Variants in PLA2R1 observed in about 807,000 individuals in gnomAD.
The protein encoded by PLA2R1 is phospholipase A2 receptor 1.
PLA2R1 carries 158 observed loss-of-function variants against 195.9 expected under a neutral mutation model. That is an observed-to-expected ratio of 0.81 (90% CI 0.71 to 0.92). PLA2R1 has a LOEUF of 0.92. Ranked by LOEUF, PLA2R1 falls within the 40% of genes least tolerant of loss-of-function variation. PLA2R1 has a pLI of 0.00. For synonymous variants in PLA2R1, 586 were observed against 598.2 expected (o/e 0.98, Z 0.30); for missense variants, 1,626 against 1,764.6 (o/e 0.92, Z 1.41).
Position 160,038,572 on chromosome 2 carries a change from A to C in PLA2R1, c.667+3453T>G, listed in dbSNP as rs1198473644. On this transcript the variant is annotated intron_variant, in intron 3 of 29. Coordinates refer to ENST00000283243, the MANE Select transcript of PLA2R1 (RefSeq NM_007366.5). Reference sequence around the variant, plus strand: ...TAGAAGGGAGGAAATAAAGATGGGCACAGATGCAGGTAGGCTTAAAGGTGA... The same window carrying C: ...TAGAAGGGAGGAAATAAAGATGGGCCCAGATGCAGGTAGGCTTAAAGGTGA... Among the ~76,000 whole-genome samples the C allele has an allele frequency of 2.6e-5, 4 of 152,260 alleles. No individual in the cohort carries two copies. The East Asian group carries it at 7.7e-4, about 29-fold the overall frequency.
rs1309815654 is a variant in PLA2R1, at chr2:159,934,935, T to C, written c.*6843A>G. On this transcript the variant is annotated 3_prime_UTR_variant, in exon 30 of 30. Transcript: ENST00000283243. ...TTGAGGATTTCAACTTGCACGTAGT[T>C]GTCATGTCTCTTTAGTGTCCTCCAA... 1 of 152,246 alleles carries C rather than the reference T, an allele frequency of 6.6e-6. No individual in the cohort carries two copies. The highest frequency in any genetic ancestry group is 2.4e-5 in the African/African-American group (1 of 41,464). The allele number at this position is 152,246 out of a possible 1,614,324, so 9.4% of individuals were successfully genotyped here.
chr2:159,945,843 T>C, intron 27 of PLA2R1: 2 of 947,708 alleles, frequency 2.1e-6, no homozygotes, highest in Non-Finnish European at 1.3e-6. Context: ...TTAGGTACAG[T>C]GTTCTTATTT....
chr2:159,969,782 A>T (rs988689032), intron 18 of PLA2R1, among the ~76,000 whole-genome samples: 14 of 152,138 alleles, frequency 9.2e-5, no homozygotes, highest in Admixed American at 4.6e-4. Flanking sequence ...ACCTCAGGCG[A>T]TCCGCCCTCC....
At chr2:159,969,954 T>C (rs1689044236) in intron 18 of PLA2R1, among the ~76,000 whole-genome samples, 194 bp downstream of exon 18, 1 of 152,214 alleles carries the variant, frequency 6.6e-6, no homozygotes, top group Admixed American at 6.5e-5. Flanking sequence ...ATGGATATGT[T>C]TATGGCTAGA....
chr2:159,964,701 C>CT (rs113758376), intron 20 of PLA2R1, among the ~76,000 whole-genome samples: 7,854 of 151,682 alleles, frequency 0.052, 544 homozygotes, highest in East Asian at 0.2. Flanking sequence ...CATGGCAACC[C>CT]TTTTTTTTAA....
rs959834553 is a variant in PLA2R1, at chr2:160,062,484, C to T, written c.-81G>A. On this transcript the variant is annotated 5_prime_UTR_variant, in exon 1 of 30. Coordinates refer to ENST00000283243, the MANE Select transcript of PLA2R1 (RefSeq NM_007366.5). ...AGCCCAGAGCCGCGTCCCAAGCACCCGGCCCCGCCGCGCGGAAGCGGATCC... is the reference window on the plus strand; with the variant it reads ...AGCCCAGAGCCGCGTCCCAAGCACCTGGCCCCGCCGCGCGGAAGCGGATCC... 11 of 1,437,656 alleles carry T rather than the reference C, an allele frequency of 7.7e-6. No homozygotes were observed. In the African/African-American group the frequency reaches 1.7e-4, roughly 22 times the overall value. 89.1% of individuals were successfully genotyped at this position (1,437,656 alleles called of 1,614,324 possible). A position where few individuals can be genotyped will look rare whatever the true frequency, so the allele number is the denominator to read the frequency against.
intron 3 of PLA2R1, among the ~76,000 whole-genome samples, chr2:160,038,308 A>G (rs1474113820): frequency 1.3e-5 from 2 of 152,250 alleles, no homozygotes; most frequent in East Asian, 1.9e-4. Flanking sequence ...GGAATCACCT[A>G]GAAGTTTGTT....
rs564090062 is a variant in PLA2R1, at chr2:159,955,780, C to T, written c.3071G>A (p.Gly1024Asp). 1 of 1,595,964 alleles carries T rather than the reference C, an allele frequency of 6.3e-7. No individual in the cohort carries two copies. Among genetic ancestry groups the T allele is most frequent in the South Asian group, 1.1e-5 (1 of 89,938 alleles). Residue 1024 changes from glycine to aspartate, a missense_variant, in exon 22 of 30, where the codon GGT (glycine) becomes GAT (aspartate). Physicochemically the swap from Gly to Asp is moderately conservative, Grantham distance 94. Coordinates refer to ENST00000283243, the MANE Select transcript of PLA2R1 (RefSeq NM_007366.5). ...LFGQTTSVWI[G>D]LQNDDYETWL... ...TGTTTCATAATCATCATTTTGTAAA[C>T]CTATCCACACACTGGTGGTCTGGCC... is the stretch of plus-strand genomic sequence containing the variant.
Position 159,937,281 on chromosome 2 carries a change from G to T in PLA2R1, c.*4497C>A, listed in dbSNP as rs59057153. Reference sequence around the variant, plus strand: ...TGCTTTACCTGATATACAAATGAAGGCTGGGAAAAGTAAAATATCACTTCA... The same window carrying T: ...TGCTTTACCTGATATACAAATGAAGTCTGGGAAAAGTAAAATATCACTTCA... On this transcript the variant is annotated 3_prime_UTR_variant, in exon 30 of 30. Transcript: ENST00000283243. 6.6e-6 allele frequency: 1 copy of T among 152,106 alleles called. No individual in the cohort carries two copies. The highest frequency in any genetic ancestry group is 6.5e-5 in the Admixed American group (1 of 15,276). 9.4% of individuals were successfully genotyped at this position (152,106 alleles called of 1,614,324 possible). A position where few individuals can be genotyped will look rare whatever the true frequency, so the allele number is the denominator to read the frequency against.
At chr2:159,986,751 T>A (rs1690370474) in intron 12 of PLA2R1, among the ~76,000 whole-genome samples, 1 of 152,114 alleles carries the variant, frequency 6.6e-6, no homozygotes, top group South Asian at 2.1e-4. Context: ...CATGCCTGGC[T>A]ACTTTTTGTA....
downstream of PLA2R1, among the ~76,000 whole-genome samples, chr2:159,931,684 C>T (rs1421646704): frequency 6.6e-6 from 1 of 152,162 alleles, no homozygotes; most frequent in Non-Finnish European, 1.5e-5. Context: ...TACAGGCATG[C>T]ACCACCACAC....
intron 9 of PLA2R1, 135 bp from the exon 10 acceptor site, chr2:160,013,510 G>T: frequency 2.1e-6 from 1 of 467,762 alleles, no homozygotes; most frequent in Non-Finnish European, 3.8e-6. Context: ...TTTTTGTCTT[G>T]ATATTTTTAT....
chr2:159,985,147 G>A lies in PLA2R1; in HGVS notation c.2038-1074C>T, dbSNP rs553895607. ...TCCAACTCTGTCAATAAATAATCGT[G>A]ATCTTGGGCAAATCACTACATTTCA... is the stretch of plus-strand genomic sequence containing the variant. On this transcript the variant is annotated intron_variant, in intron 12 of 29. Transcript: ENST00000283243. Among the ~76,000 whole-genome samples, 429 of 152,284 alleles carry A rather than the reference G, an allele frequency of 2.8e-3. 2 individuals are homozygous for A. The highest frequency in any genetic ancestry group is 6.8e-3 in the Middle Eastern group (2 of 292).
intron 14 of PLA2R1, among the ~76,000 whole-genome samples, chr2:159,977,692 C>T (rs1185862300): frequency 1.3e-5 from 2 of 152,152 alleles, no homozygotes; most frequent in Non-Finnish European, 2.9e-5. Flanking sequence ...AATCCCAGCA[C>T]TTTGGGAGGC....
chr2:159,997,681 A>T (rs1029401609), intron 11 of PLA2R1, among the ~76,000 whole-genome samples: 2 of 152,136 alleles, frequency 1.3e-5, no homozygotes, highest in East Asian at 3.9e-4. Context: ...GACAGTTCAG[A>T]TGTTCCTCTC....
rs373504638 is a variant in PLA2R1 at position 160,034,502 on chromosome 2, T to C, written c.668-1370A>G. ...TGGAATCCTTAAAGATTGTTTTCAG[T>C]TAAAATCCTAGGCCTTCCCTGAGAA... On this transcript the variant is annotated intron_variant, in intron 3 of 29. Coordinates refer to ENST00000283243, the MANE Select transcript of PLA2R1 (RefSeq NM_007366.5). Among the ~76,000 whole-genome samples the C allele has an allele frequency of 1.9e-3, 297 of 152,318 alleles. 3 individuals are homozygous for C. The highest frequency in any genetic ancestry group is 6.8e-3 in the African/African-American group (282 of 41,570).
In PLA2R1 at chr2:159,966,341, T is replaced by C. The variant is rs373799522; in HGVS notation, c.2904+1198A>G. On this transcript the variant is annotated intron_variant, in intron 20 of 29. Transcript: ENST00000283243. ...TACATGAGGTATCTAAATTAGTCAA[T>C]TTCAAAGACACAGAAAGTAGAACAG... 3.9e-5 allele frequency among the ~76,000 whole-genome samples: 6 copies of C among 152,290 alleles called. No homozygotes were observed. In the East Asian group the frequency reaches 1.2e-3, roughly 29 times the overall value.
chr2:160,037,827 C>T (rs1008967275), intron 3 of PLA2R1, among the ~76,000 whole-genome samples: 2 of 152,178 alleles, frequency 1.3e-5, no homozygotes, highest in Non-Finnish European at 1.5e-5. Flanking sequence ...ATTTTAACTT[C>T]GGTTTCTCAC....
At chr2:159,970,361 A>C (rs970539943) in intron 17 of PLA2R1, 149 bp from the exon 18 acceptor site, 1 of 435,410 alleles carries the variant, frequency 2.3e-6, no homozygotes, top group African/African-American at 2.0e-5. Context: ...CATCTTGAGA[A>C]AACCTGAAAC....
Sources: allele counts gnomAD v4.1 joint callset (sites outside exome capture counted in the v4.1 genomes callset), GRCh38; gene constraint gnomAD v4.1.1; transcripts MANE v1.5; gene names NCBI Gene and HGNC (gene_info 2026-07-23, HGNC 2026-07-21).